The following PRR5L variants were observed in gnomAD, a reference collection of about 807,000 sequenced individuals.
The protein encoded by PRR5L is proline-rich protein 5-like.
PRR5L carries 21 observed loss-of-function variants against 36.4 expected under a neutral mutation model. The ratio of observed to expected loss-of-function variants is 0.58; its 90% CI spans 0.41 to 0.83. The LOEUF (loss-of-function observed/expected upper bound fraction) is 0.83. Ranked by LOEUF, PRR5L falls within the 40% of genes least tolerant of loss-of-function variation. The probability of loss-of-function intolerance (pLI) is 0.00; values close to 1 mark genes in which losing one functional copy is unlikely to be tolerated. For missense variants in PRR5L, 381 were observed against 473.3 expected, an observed-to-expected ratio of 0.80 and a Z score of 1.81; for synonymous variants, 188 against 197.0, an observed-to-expected ratio of 0.95 and a Z score of 0.38.
intron 1 of PRR5L, among the ~76,000 whole-genome samples, chr11:36,299,795 A>G (rs1856355025): frequency 6.6e-6 from 1 of 152,150 alleles, no homozygotes; most frequent in South Asian, 2.1e-4. Context: ...TTCATCATCC[A>G]GGCTTCTTAG....
intron 1 of PRR5L, among the ~76,000 whole-genome samples, chr11:36,384,994 A>T (rs1857432648): frequency 6.6e-6 from 1 of 152,062 alleles, no homozygotes; most frequent in Non-Finnish European, 1.5e-5. Flanking sequence ...TTATGAAAAA[A>T]CCATTTTATC....
At chr11:36,425,069 G>A (rs984374441) in intron 4 of PRR5L, among the ~76,000 whole-genome samples, 7 of 152,054 alleles carry the variant, frequency 4.6e-5, no homozygotes, top group Non-Finnish European at 7.4e-5. Context: ...TGATCCACCC[G>A]CCTCGGCCTC....
At chr11:36,374,461 C>G (rs1482455552) in intron 1 of PRR5L, among the ~76,000 whole-genome samples, 1 of 150,010 alleles carries the variant, frequency 6.7e-6, no homozygotes, top group Non-Finnish European at 1.5e-5. Context: ...AAAAAAAAAG[C>G]AGAGTTGAAT....
intron 1 of PRR5L, among the ~76,000 whole-genome samples, chr11:36,327,326 T>C (rs76870989): frequency 0.096 from 14,556 of 152,056 alleles, 1,258 homozygotes; most frequent in African/African-American, 0.24. Flanking sequence ...TTTACCCTCC[T>C]CCCTTTGGAA....
intron 1 of PRR5L, among the ~76,000 whole-genome samples, chr11:36,367,737 A>C (rs1857158041): frequency 1.2e-5 from 1 of 80,218 alleles, no homozygotes; most frequent in Non-Finnish European, 2.6e-5. Flanking sequence ...GGGACCAGAG[A>C]ACTTCTCTCT....
At chr11:36,434,047 G>A (rs1332800423) in intron 5 of PRR5L, among the ~76,000 whole-genome samples, 3 of 152,228 alleles carry the variant, frequency 2.0e-5, no homozygotes, top group African/African-American at 4.8e-5. Context: ...CTTAAAAGGG[G>A]AAGTTGAATG....
chr11:36,330,500 C>T (rs1856707625), intron 1 of PRR5L, among the ~76,000 whole-genome samples: 1 of 152,172 alleles, frequency 6.6e-6, no homozygotes, highest in Non-Finnish European at 1.5e-5. Context: ...CTTCTGAGTA[C>T]TTGTCATATC....
At chr11:36,400,299 T>G (rs967484634) in intron 1 of PRR5L, among the ~76,000 whole-genome samples, 4 of 152,236 alleles carry the variant, frequency 2.6e-5, no homozygotes, top group Non-Finnish European at 5.9e-5. Flanking sequence ...TGAGTGGCTA[T>G]GCATAGTAGC....
At chr11:36,298,458 C>T (rs1051378144) in intron 1 of PRR5L, among the ~76,000 whole-genome samples, 2 of 152,154 alleles carry the variant, frequency 1.3e-5, no homozygotes, top group African/African-American at 2.4e-5. Flanking sequence ...AGTGACAGAT[C>T]ATCAGGCATT....
intron 1 of PRR5L, among the ~76,000 whole-genome samples, chr11:36,318,712 C>T (rs915448332): frequency 2.0e-5 from 3 of 150,898 alleles, no homozygotes; most frequent in Non-Finnish European, 4.4e-5. Context: ...TGTAGGGAGA[C>T]GGAGATTTGA....
chr11:36,427,192 A>G (rs966180311), intron 4 of PRR5L, among the ~76,000 whole-genome samples: 19 of 152,236 alleles, frequency 1.2e-4, no homozygotes, highest in Non-Finnish European at 2.5e-4. Flanking sequence ...TGTCTTAGGA[A>G]AATTAGATAC....
intron 1 of PRR5L, among the ~76,000 whole-genome samples, chr11:36,364,310 C>T (rs907447808): frequency 6.6e-6 from 1 of 152,156 alleles, no homozygotes; most frequent in Non-Finnish European, 1.5e-5. Flanking sequence ...GTGAATGGGA[C>T]TTGCCTTTGT....
rs529840532 is a variant in PRR5L at position 36,315,731 on chromosome 11, T to C, written c.-126+19293T>C. On this transcript the variant is annotated intron_variant, in intron 1 of 8. Transcript: ENST00000530639. ...GAAGGTGGAATATGCATGAGCAGACTTTAGTGTTGAGATCAAATAAAGCTT... is the reference window on the plus strand; with the variant it reads ...GAAGGTGGAATATGCATGAGCAGACCTTAGTGTTGAGATCAAATAAAGCTT... Among the ~76,000 whole-genome samples, 7 of 152,348 alleles carry C rather than the reference T, an allele frequency of 4.6e-5. No homozygotes were observed. The East Asian group carries it at 1.3e-3, about 29-fold the overall frequency.
intron 1 of PRR5L, among the ~76,000 whole-genome samples, chr11:36,315,655 AT>A (rs1856548169): frequency 6.6e-6 from 1 of 152,172 alleles, no homozygotes; most frequent in African/African-American, 2.4e-5. Context: ...GTTCCCTTTG[AT>A]TTTGTATAAA....
At chr11:36,401,432 TC>T in intron 2 of PRR5L, 147 bp downstream of exon 2, 1 of 769,768 alleles carries the variant, frequency 1.3e-6, no homozygotes, top group Non-Finnish European at 2.0e-6. Context: ...TTTCTTTTTT[TC>T]CTTTTTTAAG....
intron 3 of PRR5L, among the ~76,000 whole-genome samples, chr11:36,405,123 A>G (rs1420934697): frequency 6.6e-6 from 1 of 152,176 alleles, no homozygotes; most frequent in Non-Finnish European, 1.5e-5. Flanking sequence ...AGGTCAAGCC[A>G]GATTTCACCA....
At chr11:36,373,541 G>A (rs1857218326) in intron 1 of PRR5L, among the ~76,000 whole-genome samples, 1 of 151,480 alleles carries the variant, frequency 6.6e-6, no homozygotes. Flanking sequence ...TGAGGCTATG[G>A]TGAGCTATGA....
intron 2 of PRR5L, among the ~76,000 whole-genome samples, chr11:36,402,506 G>C (rs1043217321): frequency 6.6e-6 from 1 of 152,332 alleles, no homozygotes; most frequent in Non-Finnish European, 1.5e-5. Flanking sequence ...GCCTCCCAAA[G>C]TGCTGGGATT....
chr11:36,450,639 T>C (rs941279408), intron 7 of PRR5L, among the ~76,000 whole-genome samples: 6 of 152,240 alleles, frequency 3.9e-5, no homozygotes, highest in Admixed American at 3.9e-4. Context: ...TTCCATATTC[T>C]TTCCTCTCTT....
Sources: gnomAD v4.1 joint callset for allele counts (sites outside exome capture counted in the v4.1 genomes callset) on GRCh38, gnomAD v4.1.1 for gene constraint, MANE v1.5 for transcripts, NCBI Gene and HGNC (gene_info 2026-07-23, HGNC 2026-07-21) for gene names.